Variants in STK11 observed in about 807,000 individuals in gnomAD.
STK11 encodes the protein serine/threonine-protein kinase STK11.
STK11 carries 8 observed loss-of-function variants against 47.3 expected under a neutral mutation model. The ratio of observed to expected loss-of-function variants is 0.17; its 90% CI spans 0.10 to 0.31. STK11 has a LOEUF of 0.31. Among genes scored for constraint, STK11 ranks in the 10% least tolerant of loss-of-function variants. The probability of loss-of-function intolerance (pLI) is 1.00; values close to 1 mark genes in which losing one functional copy is unlikely to be tolerated. For missense variants in STK11, 475 were observed against 605.0 expected, an observed-to-expected ratio of 0.79 and a Z score of 2.25; for synonymous variants, 330 against 255.8, an observed-to-expected ratio of 1.29 and a Z score of -2.77.
In STK11 at chr19:1,215,424, G is replaced by A. The variant is rs565252445; in HGVS notation, c.291-2993G>A. On this transcript the variant is annotated intron_variant, in intron 1 of 9. Coordinates refer to ENST00000326873, the MANE Select transcript of STK11 (RefSeq NM_000455.5). ...AGGGCACCGGGCACAGCCAGGGGCCGGAACCAGTTGCTCACTGGCTCCGCT... is the reference window on the plus strand; with the variant it reads ...AGGGCACCGGGCACAGCCAGGGGCCAGAACCAGTTGCTCACTGGCTCCGCT... Among the ~76,000 whole-genome samples the A allele has an allele frequency of 3.9e-5, 6 of 152,334 alleles. No individual in the cohort carries two copies. In the East Asian group the frequency reaches 1.2e-3, roughly 29 times the overall value.
At chr19:1,218,232 G>A (rs1050658917) in intron 1 of STK11, among the ~76,000 whole-genome samples, 185 bp from the exon 2 acceptor site, 10 of 152,004 alleles carry the variant, frequency 6.6e-5, no homozygotes, top group Non-Finnish European at 1.2e-4. Context: ...ACCCCCTACC[G>A]CCCTGAGCCT....
At chr19:1,225,888 G>A in intron 8 of STK11, 4 of 989,452 alleles carry the variant, frequency 4.0e-6, no homozygotes, top group Non-Finnish European at 4.8e-6. Flanking sequence ...GGCAGCCCCA[G>A]GCCTGTGGGT....
rs1263101381 is a variant in STK11, at chr19:1,224,749, A to G, written c.1108+1577A>G. ...CCTTTTTCATGACCCTGCTAAGCCC[A>G]CTGTGGGTGGTGAGGAGGAGTACCC... On this transcript the variant is annotated intron_variant, in intron 8 of 9. Transcript: ENST00000326873. 9.1e-6 allele frequency: 9 copies of G among 985,740 alleles called. No individual in the cohort carries two copies. The East Asian group carries it at 6.8e-4, about 75-fold the overall frequency. The allele number at this position is 985,740 out of a possible 1,614,324, so 61.1% of individuals were successfully genotyped here.
chr19:1,228,078 A>T lies in STK11; in HGVS notation c.*502A>T. ...TTTTTTCTTTTTTTTTTTAAGAAAA[A>T]ATAAAAGGTGGATTTGAGCTGTGGC... is the stretch of plus-strand genomic sequence containing the variant. On this transcript the variant is annotated 3_prime_UTR_variant, in exon 10 of 10. Transcript: ENST00000326873. 1 of 1,065,234 alleles carries T rather than the reference A, an allele frequency of 9.4e-7. No homozygotes were observed. Among genetic ancestry groups the T allele is most frequent in the Non-Finnish European group, 1.1e-6 (1 of 879,396 alleles). 66.0% of individuals were successfully genotyped at this position (1,065,234 alleles called of 1,614,324 possible).
chr19:1,212,273 CTTTTTTTTTTTTTT>C (rs775284754), intron 1 of STK11, among the ~76,000 whole-genome samples: 5 of 89,838 alleles, frequency 5.6e-5, no homozygotes, highest in South Asian at 3.8e-4. Flanking sequence ...TTCTTAACAC[CTTTTTTTTTTTTTT>C]TTTTTTTTTT....
At position 1,219,307 on chromosome 19, in the gene STK11, T is replaced by G; in HGVS notation, c.375-17T>G. ...GAGTGGGGCCGCCCCCTGAGCTGTG[T>G]GTCCTTAGCGCCCCACGTATATGGT... On this transcript the variant is annotated splice_polypyrimidine_tract_variant and intron_variant, in intron 2 of 9. Transcript: ENST00000326873. 1.3e-6 allele frequency: 2 copies of G among 1,569,878 alleles called. No homozygotes were observed. The highest frequency in any genetic ancestry group is 1.7e-6 in the Non-Finnish European group (2 of 1,158,028).
In STK11 at chr19:1,226,576, C is replaced by G. The variant is rs772527201; in HGVS notation, c.1231C>G (p.Pro411Ala). 1.3e-6 allele frequency: 2 copies of G among 1,580,392 alleles called. No individual in the cohort carries two copies. Among genetic ancestry groups the G allele is most frequent in the Middle Eastern group, 1.7e-4 (1 of 5,746 alleles). Residue 411 changes from proline to alanine, a missense_variant, in exon 9 of 10, where the codon CCC becomes GCC. By Grantham distance (27) the Pro-to-Ala change is conservative (BLOSUM62 -1). Transcript: ENST00000326873. Reference sequence around the variant, plus strand: ...CAAATCCAGGGCGGAGGGCCGGGCCCCCAACCCTGCCCGCAAGGCCTGCTC... The same window carrying G: ...CAAATCCAGGGCGGAGGGCCGGGCCGCCAACCCTGCCCGCAAGGCCTGCTC... The part of the protein sequence containing the change: ...STKSRAEGRA[P>A]NPARKACSAS...
chr19:1,217,023 C>T (rs576422347), intron 1 of STK11, among the ~76,000 whole-genome samples: 2 of 151,894 alleles, frequency 1.3e-5, no homozygotes, highest in South Asian at 2.1e-4. Flanking sequence ...TTCCACATCT[C>T]GGCTGCTGTG....
At chr19:1,210,573 A>G (rs138334573) in intron 1 of STK11, among the ~76,000 whole-genome samples, 3,246 of 152,346 alleles carry the variant, frequency 0.021, 49 homozygotes, top group Middle Eastern at 0.041. Context: ...AAAAGCATCA[A>G]TGAGTTAAAA....
chr19:1,217,307 C>T (rs895285161), intron 1 of STK11, among the ~76,000 whole-genome samples: 2 of 152,110 alleles, frequency 1.3e-5, no homozygotes, highest in African/African-American at 4.8e-5. Flanking sequence ...TCAAGTGATC[C>T]TCCCACCTGA....
At chr19:1,221,134 C>A (rs2145426399) in intron 5 of STK11, 79 bp from the exon 6 acceptor site, 1 of 1,584,932 alleles carries the variant, frequency 6.3e-7, no homozygotes, top group Non-Finnish European at 8.6e-7. Context: ...ACGCCTCTGT[C>A]CCTGGGGTAG....
At position 1,226,451 on chromosome 19, in the gene STK11, C is replaced by T. The variant is rs864622219; in HGVS notation, c.1109-3C>T. 13 of 1,609,960 alleles carry T rather than the reference C, an allele frequency of 8.1e-6. No homozygotes were observed. The highest frequency in any genetic ancestry group is 8.0e-5 in the African/African-American group (6 of 74,886). The stretch of plus-strand genomic sequence containing the variant: ...CAGGCCACACTTGCCGTCTCCCTCC[C>T]AGGACAGGTCCCAGAAGAGGAGGCC... On this transcript the variant is annotated splice_region_variant and splice_polypyrimidine_tract_variant and intron_variant, in intron 8 of 9. Transcript: ENST00000326873.
In STK11 at chr19:1,218,460, C is replaced by G. The variant is rs771049807; in HGVS notation, c.334C>G (p.Gln112Glu). 2 of 1,613,704 alleles carry G rather than the reference C, an allele frequency of 1.2e-6. No homozygotes were observed. Among genetic ancestry groups the G allele is most frequent in the Non-Finnish European group, 1.7e-6 (2 of 1,179,832 alleles). Residue 112 changes from glutamine to glutamate, a missense_variant, in exon 2 of 10, where the codon CAG (glutamine) becomes GAG (glutamate). Transcript: ENST00000326873. ...LRRLRHKNVI[Q>E]LVDVLYNEEK... ...GAGGTTACGGCACAAAAATGTCATC[C>G]AGCTGGTGGATGTGTTATACAACGA... is the stretch of plus-strand genomic sequence containing the variant.
intron 1 of STK11, among the ~76,000 whole-genome samples, chr19:1,208,420 G>A (rs1300330636): frequency 6.7e-6 from 1 of 149,068 alleles, no homozygotes; most frequent in Non-Finnish European, 1.5e-5. Context: ...CCATTCTCCT[G>A]CCTCAGCCTC....
intron 1 of STK11, among the ~76,000 whole-genome samples, chr19:1,216,686 C>T (rs917988262): frequency 2.0e-5 from 3 of 151,564 alleles, no homozygotes; most frequent in African/African-American, 7.3e-5. Context: ...GCCTGGGCAG[C>T]ACGGTGAAAC....
At chr19:1,217,865 T>C (rs1357637249) in intron 1 of STK11, among the ~76,000 whole-genome samples, 2 of 152,140 alleles carry the variant, frequency 1.3e-5, no homozygotes, top group Non-Finnish European at 2.9e-5. Context: ...GAAGCAAAAC[T>C]GTTACTGAGT....
intron 9 of STK11, 155 bp from the exon 10 acceptor site, chr19:1,227,438 G>C: frequency 1.3e-6 from 1 of 742,186 alleles, no homozygotes; most frequent in Non-Finnish European, 1.7e-6. Flanking sequence ...CCCCGGGAGT[G>C]ACTCAAGGGT....
rs1383403172 is a variant in STK11, at chr19:1,228,296, A to G, written c.*720A>G. 2.6e-5 allele frequency: 7 copies of G among 270,032 alleles called. No individual in the cohort carries two copies. Among genetic ancestry groups the G allele is most frequent in the Admixed American group, 5.6e-5 (1 of 17,788 alleles). The allele number at this position is 270,032 out of a possible 1,614,324, so 16.7% of individuals were successfully genotyped here. On this transcript the variant is annotated 3_prime_UTR_variant, in exon 10 of 10. Coordinates refer to ENST00000326873, the MANE Select transcript of STK11 (RefSeq NM_000455.5). ...CCGGAGCAAGCAGGAGTGTGCGGTC[A>G]ATATTTATATCATCCAGAAAAGAAA...
intron 1 of STK11, among the ~76,000 whole-genome samples, chr19:1,208,301 C>T (rs1290202984): frequency 1.4e-5 from 2 of 146,446 alleles, no homozygotes; most frequent in Non-Finnish European, 3.0e-5. Flanking sequence ...CTGGGGCTCA[C>T]GTACATTTTT....
Sources: gnomAD v4.1 joint callset for allele counts (sites outside exome capture counted in the v4.1 genomes callset) on GRCh38, gnomAD v4.1.1 for gene constraint, MANE v1.5 for transcripts, NCBI Gene and HGNC (gene_info 2026-07-23, HGNC 2026-07-21) for gene names.